Variants in ELMO1 observed in about 807,000 individuals in gnomAD.
ELMO1 encodes engulfment and cell motility protein 1.
ELMO1 carries 26 observed loss-of-function variants against 98.9 expected under a neutral mutation model. The observed-to-expected ratio is 0.26, with a 90% CI of 0.19 to 0.36. ELMO1 has a LOEUF of 0.36. Ranked by LOEUF, ELMO1 falls within the 10% of genes least tolerant of loss-of-function variation. ELMO1 has a pLI of 1.00. For synonymous variants in ELMO1, 346 were observed against 346.0 expected, an observed-to-expected ratio of 1.00 and a Z score of 0.00; for missense variants, 627 against 935.2, an observed-to-expected ratio of 0.67 and a Z score of 4.30.
intron 16 of ELMO1, among the ~76,000 whole-genome samples, chr7:36,992,386 T>A (rs904335462): frequency 6.6e-6 from 1 of 152,240 alleles, no homozygotes; most frequent in African/African-American, 2.4e-5. Context: ...CTGATCATGC[T>A]GAAAGCCTTC....
At chr7:37,115,460 G>A (rs1785526374) in intron 14 of ELMO1, among the ~76,000 whole-genome samples, 1 of 152,090 alleles carries the variant, frequency 6.6e-6, no homozygotes, top group Non-Finnish European at 1.5e-5. Flanking sequence ...ATCAGTTAAT[G>A]TAAACCATTG....
At chr7:37,346,239 G>A (rs1801002972) in intron 1 of ELMO1, among the ~76,000 whole-genome samples, 1 of 152,174 alleles carries the variant, frequency 6.6e-6, no homozygotes, top group Non-Finnish European at 1.5e-5. Context: ...TCTAAAGAAG[G>A]AAGCTGTGTG....
intron 2 of ELMO1, among the ~76,000 whole-genome samples, chr7:37,337,573 A>G (rs1490320565): frequency 6.6e-6 from 1 of 151,774 alleles, no homozygotes; most frequent in Non-Finnish European, 1.5e-5. Context: ...GGTTGGGATA[A>G]GCTGAAAGCA....
intron 9 of ELMO1, among the ~76,000 whole-genome samples, chr7:37,224,437 G>A (rs574626111): frequency 6.6e-6 from 1 of 152,300 alleles, no homozygotes; most frequent in South Asian, 2.1e-4. Context: ...AACTAAGAAA[G>A]AAGCCTGCCT....
At chr7:37,176,007 G>C (rs1202541998) in intron 13 of ELMO1, among the ~76,000 whole-genome samples, 1 of 152,196 alleles carries the variant, frequency 6.6e-6, no homozygotes, top group East Asian at 1.9e-4. Context: ...ATTCAGATTA[G>C]ACACAAGAAA....
intron 15 of ELMO1, among the ~76,000 whole-genome samples, chr7:37,043,402 C>T (rs1365256561): frequency 6.6e-6 from 1 of 152,094 alleles, no homozygotes; most frequent in African/African-American, 2.4e-5. Flanking sequence ...ATTAGTGGTG[C>T]CCCAGAAAGC....
chr7:37,013,253 T>C (rs1562896371), intron 16 of ELMO1, 46 bp downstream of exon 16: 27 of 1,609,658 alleles, frequency 1.7e-5, no homozygotes, highest in Non-Finnish European at 2.0e-5. Context: ...AGCAGGCCCC[T>C]TTAGCGCTGC....
chr7:36,992,611 T>A (rs573632544), intron 16 of ELMO1, among the ~76,000 whole-genome samples: 2 of 152,166 alleles, frequency 1.3e-5, no homozygotes, highest in Non-Finnish European at 2.9e-5. Context: ...ATCCTTTAGA[T>A]GGTGCAAAAT....
At chr7:37,006,647 C>G (rs1019061723) in intron 16 of ELMO1, among the ~76,000 whole-genome samples, 4 of 152,076 alleles carry the variant, frequency 2.6e-5, no homozygotes, top group African/African-American at 9.7e-5. Flanking sequence ...TATACATACA[C>G]AAAGACATAT....
chr7:37,355,195 G>A (rs1801449159), intron 1 of ELMO1, among the ~76,000 whole-genome samples: 5 of 152,176 alleles, frequency 3.3e-5, no homozygotes, highest in Admixed American at 3.3e-4. Context: ...CATTGAAAAC[G>A]CTGTGACTCT....
chr7:37,162,220 G>C (rs1789272634), intron 13 of ELMO1, among the ~76,000 whole-genome samples: 1 of 151,862 alleles, frequency 6.6e-6, no homozygotes, highest in Non-Finnish European at 1.5e-5. Flanking sequence ...TGAAGGACAA[G>C]GATGGTAACT....
intron 13 of ELMO1, among the ~76,000 whole-genome samples, chr7:37,163,251 T>C (rs1377526861): frequency 6.6e-6 from 1 of 152,212 alleles, no homozygotes; most frequent in Non-Finnish European, 1.5e-5. Context: ...GGAAAATTTT[T>C]GTGTGTGTTT....
intron 15 of ELMO1, among the ~76,000 whole-genome samples, chr7:37,027,761 C>A (rs541708519): frequency 6.6e-6 from 1 of 151,976 alleles, no homozygotes; most frequent in African/African-American, 2.4e-5. Context: ...CAACCCCAGA[C>A]CCCAAGAAGC....
At chr7:36,858,307 T>C (rs908120789) in intron 21 of ELMO1, among the ~76,000 whole-genome samples, 2 of 152,302 alleles carry the variant, frequency 1.3e-5, no homozygotes, top group East Asian at 1.9e-4. Context: ...ACAACGATCA[T>C]TGTTGGCTGC....
At chr7:36,913,811 C>G (rs971169202) in intron 16 of ELMO1, among the ~76,000 whole-genome samples, 6 of 152,186 alleles carry the variant, frequency 3.9e-5, no homozygotes, top group African/African-American at 1.4e-4. Context: ...GATAACAAAG[C>G]ATGTGGTCCT....
intron 13 of ELMO1, among the ~76,000 whole-genome samples, chr7:37,185,081 C>T (rs886851499): frequency 3.9e-5 from 6 of 152,220 alleles, no homozygotes; most frequent in Non-Finnish European, 7.3e-5. Flanking sequence ...TTTCCTCTCT[C>T]ATCACGTCAT....
chr7:37,152,749 A>G (rs535477353), intron 13 of ELMO1, among the ~76,000 whole-genome samples: 5 of 152,388 alleles, frequency 3.3e-5, no homozygotes, highest in African/African-American at 1.2e-4. Flanking sequence ...AAAAAAGAAG[A>G]AAATGAAAGG....
At chr7:37,387,014 T>C (rs1334035551) in intron 1 of ELMO1, among the ~76,000 whole-genome samples, 2 of 152,122 alleles carry the variant, frequency 1.3e-5, no homozygotes, top group African/African-American at 4.8e-5. Flanking sequence ...CTCTAATATA[T>C]AGCAAGAGTA....
chr7:37,129,985 T>G (rs1786797635), intron 14 of ELMO1, among the ~76,000 whole-genome samples: 1 of 152,136 alleles, frequency 6.6e-6, no homozygotes, highest in Non-Finnish European at 1.5e-5. Context: ...GCTCTCATGG[T>G]TCCATCCACA....
Sources: allele counts gnomAD v4.1 joint callset (sites outside exome capture counted in the v4.1 genomes callset), GRCh38; gene constraint gnomAD v4.1.1; transcripts MANE v1.5; gene names NCBI Gene and HGNC (gene_info 2026-07-23, HGNC 2026-07-21).